DCAF7: variants seen among roughly 807,000 people sequenced by gnomAD.
The protein encoded by DCAF7 is DDB1- and CUL4-associated factor 7.
A neutral mutation model predicts 41.2 loss-of-function variants in DCAF7; 4 were observed. The ratio of observed to expected loss-of-function variants is 0.10; its 90% CI spans 0.05 to 0.22. The LOEUF is 0.22. Ranked by LOEUF, DCAF7 falls within the 10% of genes least tolerant of loss-of-function variation. The probability of loss-of-function intolerance (pLI) is 1.00; values close to 1 mark genes in which losing one functional copy is unlikely to be tolerated. For missense variants in DCAF7, 131 were observed against 443.2 expected (o/e 0.30, Z 6.32); for synonymous variants, 143 against 164.2 (o/e 0.87, Z 0.99).
At chr17:63,583,765 G>C (rs2033648987) in intron 5 of DCAF7, 54 bp downstream of exon 5, 1 of 1,558,980 alleles carries the variant, frequency 6.4e-7, no homozygotes, top group Admixed American at 1.7e-5. Flanking sequence ...GCACTGCTTA[G>C]TATATCTAGA....
intron 1 of DCAF7, among the ~76,000 whole-genome samples, chr17:63,557,570 A>G (rs2033323888): frequency 6.6e-6 from 1 of 152,202 alleles, no homozygotes; most frequent in South Asian, 2.1e-4. Flanking sequence ...AGTAAAGGTT[A>G]GGGAGGACAG....
intron 3 of DCAF7, 110 bp downstream of exon 3, chr17:63,579,558 A>G: frequency 1.3e-6 from 1 of 798,412 alleles, no homozygotes; most frequent in South Asian, 1.7e-5. Flanking sequence ...GAAGTAGGCT[A>G]GGCGTGGAAT....
rs1445006010 is a variant in DCAF7, at chr17:63,592,275, G to C, written c.*3103G>C. 6.6e-6 allele frequency: 1 copy of C among 152,104 alleles called. No homozygotes were observed. The highest frequency in any genetic ancestry group is 1.5e-5 in the Non-Finnish European group (1 of 68,072). 9.4% of individuals were successfully genotyped at this position (152,104 alleles called of 1,614,324 possible). A position where few individuals can be genotyped will look rare whatever the true frequency, so the allele number is the denominator to read the frequency against. On this transcript the variant is annotated 3_prime_UTR_variant, in exon 7 of 7. Transcript: ENST00000614556. ...AAAAAATTAGCCGGGGGTGGTGGCG[G>C]GTACCTGTAGTCCTAGCTACTTGGG...
In DCAF7 at chr17:63,579,813, G is replaced by A; in HGVS notation, c.410-12G>A. 1 of 1,610,118 alleles carries A rather than the reference G, an allele frequency of 6.2e-7. No individual in the cohort carries two copies. The highest frequency in any genetic ancestry group is 1.1e-5 in the South Asian group (1 of 90,920). ...GGTCCCGTCAGCCCTGACTTGCACT[G>A]GTTGTTTGCAGGTACCTCAAGCATT... On this transcript the variant is annotated splice_polypyrimidine_tract_variant and intron_variant, in intron 3 of 6. Transcript: ENST00000614556.
chr17:63,583,740 C>A, intron 5 of DCAF7, 29 bp downstream of exon 5: 2 of 1,604,040 alleles, frequency 1.2e-6, no homozygotes, highest in East Asian at 2.2e-5. Flanking sequence ...CTACCATGGG[C>A]CCTGCCTAAC....
intron 1 of DCAF7, among the ~76,000 whole-genome samples, chr17:63,567,815 A>G (rs1395424757): frequency 4.0e-5 from 6 of 150,292 alleles, no homozygotes; most frequent in African/African-American, 1.5e-4. Flanking sequence ...CCGTGCAACC[A>G]CACCTGGCTA....
intron 1 of DCAF7, among the ~76,000 whole-genome samples, chr17:63,564,594 TG>T (rs2033420788): frequency 2.6e-5 from 4 of 152,364 alleles, no homozygotes; most frequent in Middle Eastern, 6.8e-3. Flanking sequence ...AGACCCAATC[TG>T]ACCTCTCCTA....
intron 1 of DCAF7, among the ~76,000 whole-genome samples, chr17:63,562,695 C>A (rs1448372204): frequency 6.4e-5 from 8 of 125,372 alleles, no homozygotes; most frequent in African/African-American, 8.9e-5. Context: ...CCCCTCCCCC[C>A]ACCCCACAAC....
intron 1 of DCAF7, among the ~76,000 whole-genome samples, chr17:63,561,105 A>G (rs1403521228): frequency 6.6e-6 from 1 of 152,034 alleles, no homozygotes. Flanking sequence ...CCTTGTCTCA[A>G]AATACAAAAA....
intron 1 of DCAF7, among the ~76,000 whole-genome samples, chr17:63,565,441 G>T (rs777319189): frequency 1.7e-4 from 26 of 152,058 alleles, no homozygotes; most frequent in Non-Finnish European, 2.9e-4. Context: ...TGGGCGTGGT[G>T]GTGCATGCCT....
intron 6 of DCAF7, among the ~76,000 whole-genome samples, chr17:63,585,567 G>C (rs116343844): frequency 6.6e-6 from 1 of 152,184 alleles, no homozygotes; most frequent in South Asian, 2.1e-4. Flanking sequence ...GTCAGTTATA[G>C]GGCTGTGCCT....
chr17:63,562,480 T>C (rs1357638565), intron 1 of DCAF7, among the ~76,000 whole-genome samples: 2 of 152,176 alleles, frequency 1.3e-5, no homozygotes, highest in African/African-American at 2.4e-5. Flanking sequence ...AGATATGCCA[T>C]GGACAAAGTC....
At position 63,564,136 on chromosome 17, in the gene DCAF7, T is replaced by TACACACACACACACACACAC. The variant is rs369218596; in HGVS notation, c.138+13329_138+13348dup. 1.4e-3 allele frequency among the ~76,000 whole-genome samples: 203 copies of TACACACACACACACACACAC among 148,076 alleles called. No individual in the cohort carries two copies. The Middle Eastern group carries it at 0.014, about 10-fold the overall frequency. On this transcript the variant is annotated intron_variant, in intron 1 of 6. Transcript: ENST00000614556. ...ATGACATAGAGGGATGTTAACTTTA[T>TACACACACACACACACACAC]ACACACACACACACACACACACACA...
intron 1 of DCAF7, among the ~76,000 whole-genome samples, chr17:63,559,375 G>GTGTATATATA (rs1216349563): frequency 3.7e-5 from 3 of 81,176 alleles, no homozygotes; most frequent in African/African-American, 1.3e-4. Flanking sequence ...ATATATATAT[G>GTGTATATATA]TGTATATATA....
chr17:63,593,673 C>T lies in DCAF7; in HGVS notation c.*4501C>T, dbSNP rs1458899744. On this transcript the variant is annotated 3_prime_UTR_variant, in exon 7 of 7. Transcript: ENST00000614556. ...ACCATGTGTTATGAAAATTGTTGAG[C>T]TGAAGCTTTGAATCGATTTAGTTGA... The T allele has an allele frequency of 6.6e-6, 1 of 152,618 alleles. No individual in the cohort carries two copies. Among genetic ancestry groups the T allele is most frequent in the Non-Finnish European group, 1.5e-5 (1 of 68,042 alleles). The allele number at this position is 152,618 out of a possible 1,614,324, so 9.5% of individuals were successfully genotyped here.
rs746063840 is a variant in DCAF7 at position 63,579,261 on chromosome 17, C to T, written c.298-76C>T. The T allele has an allele frequency of 4.5e-5, 44 of 978,338 alleles. 1 individual carries two copies. In the South Asian group the frequency reaches 6.1e-4, roughly 14 times the overall value. The allele number at this position is 978,338 out of a possible 1,614,324, so 60.6% of individuals were successfully genotyped here. A position where few individuals can be genotyped will look rare whatever the true frequency, so the allele number is the denominator to read the frequency against. ...TGTCTTATGTTTGCTAAGATATTTT[C>T]TAAACAGGGATTTTTTAAAAGACTT... On this transcript the variant is annotated intron_variant, in intron 2 of 6. Transcript: ENST00000614556.
rs1211897747 is a variant in DCAF7 at position 63,592,222 on chromosome 17, G to GA, written c.*3053dup. 1 of 152,048 alleles carries GA rather than the reference G, an allele frequency of 6.6e-6. No individual in the cohort carries two copies. The highest frequency in any genetic ancestry group is 2.4e-5 in the African/African-American group (1 of 41,328). 9.4% of individuals were successfully genotyped at this position (152,048 alleles called of 1,614,324 possible). On this transcript the variant is annotated 3_prime_UTR_variant, in exon 7 of 7. Transcript: ENST00000614556. ...TCGAGACCATCCTGGCTAACATGGT[G>GA]AAACCCCATCTCTACTAAAAATACA...
At chr17:63,577,290 A>G (rs1026368452) in intron 1 of DCAF7, among the ~76,000 whole-genome samples, 3 of 152,086 alleles carry the variant, frequency 2.0e-5, no homozygotes, top group African/African-American at 7.2e-5. Flanking sequence ...CTTTGGGGGG[A>G]AAATGTCTGG....
chr17:63,551,221 G>T (rs1309120477), intron 1 of DCAF7, among the ~76,000 whole-genome samples: 1 of 151,900 alleles, frequency 6.6e-6, no homozygotes, highest in African/African-American at 2.4e-5. Flanking sequence ...AAATGCAGGC[G>T]CTTCTATTGG....
Sources: gnomAD v4.1 joint callset for allele counts (sites outside exome capture counted in the v4.1 genomes callset) on GRCh38, gnomAD v4.1.1 for gene constraint, MANE v1.5 for transcripts, NCBI Gene and HGNC (gene_info 2026-07-23, HGNC 2026-07-21) for gene names.